Variants in HSD17B12 observed in about 807,000 individuals in gnomAD.
HSD17B12 encodes the protein very-long-chain 3-oxoacyl-CoA reductase.
A neutral mutation model predicts 39.3 loss-of-function variants in HSD17B12; 32 were observed. The ratio of observed to expected loss-of-function variants is 0.81; its 90% CI spans 0.61 to 1.09. The LOEUF (loss-of-function observed/expected upper bound fraction) is 1.09. Among genes scored for constraint, HSD17B12 ranks in the 50% least tolerant of loss-of-function variants. The pLI is 0.00. For missense variants in HSD17B12, 342 were observed against 382.9 expected, an observed-to-expected ratio of 0.89 and a Z score of 0.89; for synonymous variants, 150 against 146.7, an observed-to-expected ratio of 1.02 and a Z score of -0.16.
the HSD17B12 span, among the ~76,000 whole-genome samples, chr11:43,598,224 C>T: frequency 1.3e-5 from 2 of 152,148 alleles, no homozygotes; most frequent in African/African-American, 4.8e-5. Context: ...TGATTCTTTG[C>T]AACTGCTTCC....
chr11:43,847,672 A>T (rs567326720), intron 9 of HSD17B12, among the ~76,000 whole-genome samples: 11 of 130,846 alleles, frequency 8.4e-5, no homozygotes, highest in African/African-American at 3.6e-4. Flanking sequence ...GTGTCACTGC[A>T]CTCCAGCCTC....
At chr11:43,598,475 C>A in the HSD17B12 span, among the ~76,000 whole-genome samples, 1 of 151,978 alleles carries the variant, frequency 6.6e-6, no homozygotes, top group South Asian at 2.1e-4. Context: ...TTTCTGTCCA[C>A]GCGAGTATGT....
upstream of HSD17B12, among the ~76,000 whole-genome samples, chr11:43,676,053 A>C (rs541956367): frequency 4.8e-4 from 73 of 152,208 alleles, 1 homozygote; most frequent in Middle Eastern, 6.8e-3. Context: ...CGGAGGTTGT[A>C]GTCAACTGAG....
At chr11:43,557,529 C>A in the HSD17B12 span, among the ~76,000 whole-genome samples, 1 of 152,054 alleles carries the variant, frequency 6.6e-6, no homozygotes, top group Non-Finnish European at 1.5e-5. Flanking sequence ...TGGGTGTAAG[C>A]AAAATAATTT....
At chr11:43,686,382 A>G (rs1244527497) in intron 1 of HSD17B12, among the ~76,000 whole-genome samples, 1 of 152,234 alleles carries the variant, frequency 6.6e-6, no homozygotes, top group Non-Finnish European at 1.5e-5. Context: ...TCTGCAGATT[A>G]AAGTTGGCAG....
intron 6 of HSD17B12, 141 bp downstream of exon 6, chr11:43,816,532 T>G: frequency 1.8e-6 from 1 of 555,314 alleles, no homozygotes; most frequent in Non-Finnish European, 2.7e-6. Flanking sequence ...TCTATTAACT[T>G]ATTTCTTCAG....
At chr11:43,839,670 G>A (rs192545047) in intron 8 of HSD17B12, among the ~76,000 whole-genome samples, 16 of 152,164 alleles carry the variant, frequency 1.1e-4, no homozygotes, top group Admixed American at 1.0e-3. Context: ...GTGGAGAGAT[G>A]AAATGAGTCT....
intron 4 of HSD17B12, among the ~76,000 whole-genome samples, chr11:43,804,109 CTT>C (rs959421968): frequency 4.6e-5 from 7 of 152,110 alleles, no homozygotes; most frequent in African/African-American, 1.7e-4. Context: ...ACTTTTTTAA[CTT>C]TGTGAGATTC....
chr11:43,661,816 G>C, the HSD17B12 span, among the ~76,000 whole-genome samples: 2 of 152,120 alleles, frequency 1.3e-5, no homozygotes, highest in Non-Finnish European at 2.9e-5. Context: ...GCCATTAAAA[G>C]TTATATTGAA....
chr11:43,742,137 A>AT (rs1238363486), intron 1 of HSD17B12, among the ~76,000 whole-genome samples: 277 of 85,120 alleles, frequency 3.3e-3, no homozygotes, highest in Middle Eastern at 7.7e-3. Context: ...ATATATATAT[A>AT]TATTTTTTTT....
the HSD17B12 span, among the ~76,000 whole-genome samples, chr11:43,567,421 G>A: frequency 6.6e-6 from 1 of 152,228 alleles, no homozygotes; most frequent in Non-Finnish European, 1.5e-5. Context: ...TGGATTACCT[G>A]AAAGCAGAAC....
the HSD17B12 span, among the ~76,000 whole-genome samples, chr11:43,565,741 C>T: frequency 3.9e-5 from 6 of 152,170 alleles, no homozygotes; most frequent in South Asian, 2.1e-4. Context: ...TTTTGTTCTG[C>T]GTGGCTTCGC....
the HSD17B12 span, among the ~76,000 whole-genome samples, chr11:43,590,582 G>A: frequency 1.4e-4 from 19 of 132,846 alleles, no homozygotes; most frequent in African/African-American, 3.5e-4. Flanking sequence ...TTGGGTCACT[G>A]CAACCTCTGC....
At chr11:43,623,142 G>T in the HSD17B12 span, among the ~76,000 whole-genome samples, 2 of 152,020 alleles carry the variant, frequency 1.3e-5, no homozygotes, top group Non-Finnish European at 2.9e-5. Context: ...AATGGTGTAT[G>T]GTTTTTAGAT....
intron 1 of HSD17B12, among the ~76,000 whole-genome samples, chr11:43,706,724 T>TGTGTGTTGG (rs1204580097): frequency 7.5e-5 from 6 of 80,298 alleles, no homozygotes; most frequent in Non-Finnish European, 1.2e-4. Flanking sequence ...GTGTGTGTTG[T>TGTGTGTTGG]GGGGGGTGGG....
At chr11:43,750,999 A>G (rs12801203) in intron 2 of HSD17B12, 42 bp downstream of exon 2, 532,898 of 1,325,722 alleles carry the variant, frequency 0.4, 111,871 homozygotes, top group East Asian at 0.72. Context: ...ATAAAAAATA[A>G]GAATAAATAT....
intron 4 of HSD17B12, among the ~76,000 whole-genome samples, chr11:43,799,820 A>G (rs1950949279): frequency 1.3e-5 from 2 of 152,202 alleles, no homozygotes; most frequent in Admixed American, 1.3e-4. Flanking sequence ...GTTAAAAATC[A>G]GTTAAACAAG....
At chr11:43,608,458 G>C in the HSD17B12 span, among the ~76,000 whole-genome samples, 1 of 151,832 alleles carries the variant, frequency 6.6e-6, no homozygotes, top group Non-Finnish European at 1.5e-5. Context: ...TAATCAAAGA[G>C]AGGAAAAATA....
intron 1 of HSD17B12, among the ~76,000 whole-genome samples, chr11:43,691,150 C>G (rs1236372875): frequency 3.9e-5 from 6 of 152,142 alleles, no homozygotes; most frequent in Admixed American, 3.9e-4. Context: ...CATGAAGCTC[C>G]AAATCAGAGA....
Sources: gnomAD v4.1 joint callset for allele counts (sites outside exome capture counted in the v4.1 genomes callset) on GRCh38, gnomAD v4.1.1 for gene constraint, MANE v1.5 for transcripts, NCBI Gene and HGNC (gene_info 2026-07-23, HGNC 2026-07-21) for gene names.